Variants in KCNH1 observed in about 807,000 individuals in gnomAD.
KCNH1 encodes potassium voltage-gated channel subfamily H member 1.
KCNH1 carries 27 observed loss-of-function variants against 69.2 expected under a neutral mutation model. The observed-to-expected ratio is 0.39, with a 90% confidence interval of 0.29 to 0.54. KCNH1 has a LOEUF of 0.54. KCNH1 is among the 20% of genes least tolerant of loss of function. The probability of loss-of-function intolerance (pLI) is 0.68; values close to 1 mark genes in which losing one functional copy is unlikely to be tolerated. For missense variants in KCNH1, 798 were observed against 1,261.6 expected, an observed-to-expected ratio of 0.63 and a Z score of 5.57; for synonymous variants, 456 against 487.7, an observed-to-expected ratio of 0.93 and a Z score of 0.86.
chr1:210,729,818 C>G (rs1281970055), intron 10 of KCNH1, among the ~76,000 whole-genome samples: 1 of 152,154 alleles, frequency 6.6e-6, no homozygotes, highest in African/African-American at 2.4e-5. Flanking sequence ...AAAAATAGCT[C>G]TCAAAATTTT....
intron 7 of KCNH1, among the ~76,000 whole-genome samples, chr1:210,833,247 C>T (rs1685203005): frequency 6.6e-6 from 1 of 152,060 alleles, no homozygotes; most frequent in Admixed American, 6.6e-5. Context: ...TATTCAAATG[C>T]TAAGAATTCA....
chr1:211,036,422 G>T (rs1571597042), intron 5 of KCNH1, among the ~76,000 whole-genome samples: 1 of 152,132 alleles, frequency 6.6e-6, no homozygotes. Flanking sequence ...TTCTTGAAAA[G>T]AAACCAAAAA....
At chr1:211,116,628 G>T (rs113252817) in intron 1 of KCNH1, among the ~76,000 whole-genome samples, 151 of 152,270 alleles carry the variant, frequency 9.9e-4, no homozygotes, top group African/African-American at 3.5e-3. Context: ...ACTGTTGGTA[G>T]CTACATCAAG....
chr1:211,055,630 G>A (rs1161268061), intron 5 of KCNH1, among the ~76,000 whole-genome samples: 3 of 152,184 alleles, frequency 2.0e-5, no homozygotes, highest in East Asian at 1.9e-4. Flanking sequence ...CCCAGACAGC[G>A]CAGCTCACAG....
intron 10 of KCNH1, among the ~76,000 whole-genome samples, chr1:210,703,247 A>C (rs1681827086): frequency 6.6e-6 from 1 of 152,236 alleles, no homozygotes; most frequent in African/African-American, 2.4e-5. Context: ...AAAAATAATA[A>C]AAGACACCAA....
chr1:210,739,600 A>G (rs963395857), intron 10 of KCNH1, among the ~76,000 whole-genome samples: 5 of 152,234 alleles, frequency 3.3e-5, no homozygotes, highest in Admixed American at 6.5e-5. Flanking sequence ...TTATCATTGA[A>G]AAGAGACTAG....
intron 6 of KCNH1, among the ~76,000 whole-genome samples, chr1:210,973,864 C>G (rs190758330): frequency 6.6e-6 from 1 of 152,050 alleles, no homozygotes; most frequent in Admixed American, 6.6e-5. Flanking sequence ...AACAAATATT[C>G]CAGGCACATG....
At chr1:211,042,292 CATCT>C (rs1454003093) in intron 5 of KCNH1, among the ~76,000 whole-genome samples, 1 of 152,046 alleles carries the variant, frequency 6.6e-6, no homozygotes, top group African/African-American at 2.4e-5. Context: ...AATTGTAATA[CATCT>C]ATCTATTTTT....
At chr1:211,009,449 G>C (rs181138953) in intron 6 of KCNH1, among the ~76,000 whole-genome samples, 1 of 152,078 alleles carries the variant, frequency 6.6e-6, no homozygotes, top group South Asian at 2.1e-4. Flanking sequence ...AATATTCCTT[G>C]ATCATATGAG....
intron 7 of KCNH1, among the ~76,000 whole-genome samples, chr1:210,888,911 A>G (rs924384799): frequency 2.0e-5 from 3 of 152,226 alleles, no homozygotes; most frequent in Non-Finnish European, 4.4e-5. Context: ...GCAGTAATTA[A>G]CAGCCTAACA....
At position 210,680,858 on chromosome 1, in the gene KCNH1, T is replaced by G. The variant is rs927868047; in HGVS notation, c.*2423A>C. The G allele has an allele frequency of 1.3e-5, 2 of 152,160 alleles. No homozygotes were observed. The highest frequency in any genetic ancestry group is 2.9e-5 in the Non-Finnish European group (2 of 68,038). The allele number at this position is 152,160 out of a possible 1,614,324, so 9.4% of individuals were successfully genotyped here. On this transcript the variant is annotated 3_prime_UTR_variant, in exon 11 of 11. Coordinates refer to ENST00000271751, the MANE Select transcript of KCNH1 (RefSeq NM_172362.3). ...TCACGAGTGCATTCCTAAAGCTACA[T>G]TCCCCCCAAGAACATGTCTGGACTT...
intron 5 of KCNH1, among the ~76,000 whole-genome samples, chr1:211,081,531 C>T (rs12408791): frequency 0.2 from 29,816 of 152,078 alleles, 3,155 homozygotes; most frequent in Non-Finnish European, 0.24. Context: ...ACATTTATTA[C>T]GGCACTATTC....
intron 10 of KCNH1, among the ~76,000 whole-genome samples, chr1:210,757,456 G>T (rs1683423074): frequency 6.6e-6 from 1 of 152,140 alleles, no homozygotes; most frequent in Non-Finnish European, 1.5e-5. Context: ...AAAGGCCTTA[G>T]ATTCATGGTT....
At chr1:211,063,260 C>T (rs1313938068) in intron 5 of KCNH1, 1 of 152,034 alleles carries the variant, frequency 6.6e-6, no homozygotes, top group Non-Finnish European at 1.5e-5. Flanking sequence ...AATAATTAAA[C>T]TCATGAAGAT....
At chr1:210,916,978 T>C (rs1269148037) in intron 7 of KCNH1, among the ~76,000 whole-genome samples, 1 of 151,904 alleles carries the variant, frequency 6.6e-6, no homozygotes, top group African/African-American at 2.4e-5. Flanking sequence ...TGAAACCCCA[T>C]CTCCACTAAA....
chr1:210,843,171 T>C (rs575225708), intron 7 of KCNH1, among the ~76,000 whole-genome samples: 2 of 152,296 alleles, frequency 1.3e-5, no homozygotes, highest in Admixed American at 6.5e-5. Flanking sequence ...AGGAATGATA[T>C]TGCATTGGAT....
chr1:210,829,638 A>C (rs1403298260), intron 7 of KCNH1, among the ~76,000 whole-genome samples: 1 of 152,164 alleles, frequency 6.6e-6, no homozygotes, highest in Non-Finnish European at 1.5e-5. Context: ...GGGCCTTTGC[A>C]CTGGCGGCTA....
intron 6 of KCNH1, among the ~76,000 whole-genome samples, chr1:210,940,800 G>C (rs1185091869): frequency 6.6e-6 from 1 of 152,110 alleles, no homozygotes; most frequent in East Asian, 1.9e-4. Context: ...ACAAATTTCA[G>C]GTTTTCTTCT....
intron 1 of KCNH1, among the ~76,000 whole-genome samples, chr1:211,117,676 C>T (rs963379138): frequency 6.6e-6 from 1 of 152,154 alleles, no homozygotes; most frequent in Admixed American, 6.5e-5. Flanking sequence ...CCCAGAGCAC[C>T]ATTTGTGAGA....
Sources: allele counts gnomAD v4.1 joint callset (sites outside exome capture counted in the v4.1 genomes callset), GRCh38; gene constraint gnomAD v4.1.1; transcripts MANE v1.5; gene names NCBI Gene and HGNC (gene_info 2026-07-23, HGNC 2026-07-21).